HS6ST3: variants seen among roughly 807,000 people sequenced by gnomAD.
HS6ST3 encodes heparan-sulfate 6-O-sulfotransferase 3.
A neutral mutation model predicts 36.7 loss-of-function variants in HS6ST3; 12 were observed. That is an observed-to-expected ratio of 0.33 (90% CI 0.21 to 0.53). HS6ST3 has a LOEUF of 0.53. HS6ST3 is among the 20% of genes least tolerant of loss of function. The probability of loss-of-function intolerance (pLI) is 0.95; values close to 1 mark genes in which losing one functional copy is unlikely to be tolerated. For synonymous variants in HS6ST3, 240 were observed against 257.5 expected (o/e 0.93, Z 0.65); for missense variants, 584 against 640.9 (o/e 0.91, Z 0.96).
At chr13:96,611,803 A>G (rs1249809494) in intron 1 of HS6ST3, among the ~76,000 whole-genome samples, 1 of 152,198 alleles carries the variant, frequency 6.6e-6, no homozygotes, top group Non-Finnish European at 1.5e-5. Context: ...CAGAGTGAGC[A>G]TGGACAGAAG....
chr13:96,152,929 T>A (rs1300704756), intron 1 of HS6ST3, among the ~76,000 whole-genome samples: 1 of 152,196 alleles, frequency 6.6e-6, no homozygotes, highest in Admixed American at 6.5e-5. Flanking sequence ...TACACTTTTC[T>A]ATATCCTTAG....
chr13:96,320,024 C>G (rs1461605330), intron 1 of HS6ST3, among the ~76,000 whole-genome samples: 1 of 152,062 alleles, frequency 6.6e-6, no homozygotes, highest in Non-Finnish European at 1.5e-5. Context: ...TTTCGGTTTA[C>G]TCCTCAAATG....
chr13:96,662,211 T>C (rs1198877780), intron 1 of HS6ST3, among the ~76,000 whole-genome samples: 1 of 152,190 alleles, frequency 6.6e-6, no homozygotes, highest in Non-Finnish European at 1.5e-5. Context: ...TCCTTTTTCT[T>C]CTTCTGTCTC....
chr13:96,323,616 C>T (rs987298132), intron 1 of HS6ST3, among the ~76,000 whole-genome samples: 1 of 152,152 alleles, frequency 6.6e-6, no homozygotes, highest in Non-Finnish European at 1.5e-5. Context: ...CCTCTCAGGA[C>T]CTTTGCCCTC....
chr13:96,618,017 T>C (rs973686177), intron 1 of HS6ST3, among the ~76,000 whole-genome samples: 1 of 152,228 alleles, frequency 6.6e-6, no homozygotes, highest in African/African-American at 2.4e-5. Context: ...TGGGTTTCTA[T>C]GTCAGACAAA....
Position 96,832,730 on chromosome 13 carries a change from C to T in HS6ST3, c.948C>T (p.Asp316=), listed in dbSNP as rs1217545907. 1.2e-6 allele frequency: 2 copies of T among 1,614,150 alleles called. No individual in the cohort carries two copies. The highest frequency in any genetic ancestry group is 1.1e-5 in the South Asian group (1 of 91,080). Residue 316 remains aspartate (D), a synonymous_variant, in exon 2 of 2, where the codon GAC becomes GAT. Transcript: ENST00000376705. ...ANNRQVRMLA[D]LSLVGCYNLT... ...ATCGCCAGGTGCGCATGCTGGCTGA[C>T]CTCAGCCTGGTGGGCTGCTATAACT...
At chr13:96,478,815 G>A (rs1035614075) in intron 1 of HS6ST3, among the ~76,000 whole-genome samples, 3 of 152,158 alleles carry the variant, frequency 2.0e-5, no homozygotes, top group Non-Finnish European at 4.4e-5. Flanking sequence ...GGCTAAGAAG[G>A]ATTAAGTTGC....
intron 1 of HS6ST3, among the ~76,000 whole-genome samples, chr13:96,421,806 C>T (rs1403652580): frequency 6.6e-6 from 1 of 152,210 alleles, no homozygotes; most frequent in Non-Finnish European, 1.5e-5. Context: ...ATTTTCCATG[C>T]TACACTGTGA....
intron 1 of HS6ST3, among the ~76,000 whole-genome samples, chr13:96,662,475 G>A (rs931801209): frequency 1.3e-5 from 2 of 149,272 alleles, no homozygotes; most frequent in African/African-American, 2.5e-5. Flanking sequence ...TTTTTTAATC[G>A]ATCTCTTCTT....
At chr13:96,175,327 TCTGATA>T (rs1470254962) in intron 1 of HS6ST3, among the ~76,000 whole-genome samples, 3 of 152,046 alleles carry the variant, frequency 2.0e-5, no homozygotes, top group Non-Finnish European at 4.4e-5. Context: ...TCGTGAGCAG[TCTGATA>T]CCTAGCTCCT....
intron 1 of HS6ST3, among the ~76,000 whole-genome samples, chr13:96,733,424 GT>G (rs1876208289): frequency 6.6e-6 from 1 of 152,060 alleles, no homozygotes; most frequent in African/African-American, 2.4e-5. Flanking sequence ...CTATTGTGCT[GT>G]ATCACATGTT....
At chr13:96,821,285 T>C (rs1381412696) in intron 1 of HS6ST3, among the ~76,000 whole-genome samples, 1 of 152,248 alleles carries the variant, frequency 6.6e-6, no homozygotes, top group Non-Finnish European at 1.5e-5. Flanking sequence ...TCTCATCTCC[T>C]GCTGTCTCCC....
chr13:96,683,011 A>G (rs989932981), intron 1 of HS6ST3, among the ~76,000 whole-genome samples: 1 of 152,074 alleles, frequency 6.6e-6, no homozygotes, highest in Non-Finnish European at 1.5e-5. Flanking sequence ...AATGGAAGGT[A>G]TTTCATGAAG....
intron 1 of HS6ST3, among the ~76,000 whole-genome samples, chr13:96,663,243 C>T (rs915599910): frequency 4.6e-5 from 7 of 152,074 alleles, no homozygotes; most frequent in South Asian, 2.1e-4. Flanking sequence ...ACCCCTGTCC[C>T]GGGGATCCTG....
intron 1 of HS6ST3, among the ~76,000 whole-genome samples, chr13:96,172,983 G>A (rs1443989347): frequency 6.6e-6 from 1 of 152,192 alleles, no homozygotes; most frequent in African/African-American, 2.4e-5. Flanking sequence ...TTGAGCAGCT[G>A]CTATTTGCCA....
At chr13:96,520,663 A>G (rs913124088) in intron 1 of HS6ST3, among the ~76,000 whole-genome samples, 2 of 152,168 alleles carry the variant, frequency 1.3e-5, no homozygotes, top group Admixed American at 6.5e-5. Flanking sequence ...TTATTGGTGT[A>G]TAGGAATGCT....
intron 1 of HS6ST3, chr13:96,574,026 G>C: frequency 1.8e-6 from 1 of 543,400 alleles, no homozygotes; most frequent in Non-Finnish European, 3.7e-6. Flanking sequence ...AATGACCCCT[G>C]TCTGCTCTTT....
At chr13:96,375,651 C>T in intron 1 of HS6ST3, among the ~76,000 whole-genome samples, 1 of 152,140 alleles carries the variant, frequency 6.6e-6, no homozygotes, top group Non-Finnish European at 1.5e-5. Flanking sequence ...ATTAATATCT[C>T]TCAACAGGCG....
intron 1 of HS6ST3, among the ~76,000 whole-genome samples, chr13:96,413,107 G>A (rs2055516146): frequency 6.6e-6 from 1 of 152,108 alleles, no homozygotes; most frequent in African/African-American, 2.4e-5. Context: ...TGCTATGTGA[G>A]CACATTCTTA....
Sources: allele counts gnomAD v4.1 joint callset (sites outside exome capture counted in the v4.1 genomes callset), GRCh38; gene constraint gnomAD v4.1.1; transcripts MANE v1.5; gene names NCBI Gene and HGNC (gene_info 2026-07-23, HGNC 2026-07-21).